Variants in CCDC191 observed in about 807,000 individuals in gnomAD.
CCDC191 encodes coiled-coil domain containing 191, also known as coiled-coil domain-containing protein 191.
Under a neutral mutation model 114.0 loss-of-function variants are expected in CCDC191, and 99 were observed. The observed-to-expected ratio is 0.87, with a 90% CI of 0.74 to 1.03. The LOEUF (loss-of-function observed/expected upper bound fraction) is 1.03. Among genes scored for constraint, CCDC191 ranks in the 50% least tolerant of loss-of-function variants. The probability of loss-of-function intolerance (pLI) is 0.00; values close to 1 mark genes in which losing one functional copy is unlikely to be tolerated. For synonymous variants in CCDC191, 351 were observed against 376.0 expected (o/e 0.93, Z 0.77); for missense variants, 973 against 1,087.0 (o/e 0.90, Z 1.47).
chr3:113,983,272 A>G (rs775409860), intron 13 of CCDC191, among the ~76,000 whole-genome samples: 1 of 152,196 alleles, frequency 6.6e-6, no homozygotes, highest in Non-Finnish European at 1.5e-5. Context: ...ATAGCTATTT[A>G]TAGTCCTTAG....
At chr3:113,969,495 A>C (rs1235172324) in intron 16 of CCDC191, among the ~76,000 whole-genome samples, 3 of 152,204 alleles carry the variant, frequency 2.0e-5, no homozygotes, top group Non-Finnish European at 4.4e-5. Context: ...TTAGATTTAA[A>C]TCTGTAACCC....
intron 1 of CCDC191, among the ~76,000 whole-genome samples, chr3:114,055,005 AAATAATAATAAT>A (rs541235858): frequency 6.6e-6 from 1 of 150,614 alleles, no homozygotes; most frequent in African/African-American, 2.4e-5. Flanking sequence ...ATACTCTTTA[AAATAATAATAAT>A]AATAATAATA....
At chr3:113,985,160 G>A (rs1175518388) in intron 13 of CCDC191, among the ~76,000 whole-genome samples, 1 of 152,154 alleles carries the variant, frequency 6.6e-6, no homozygotes, top group Non-Finnish European at 1.5e-5. Context: ...TTATAAGAAC[G>A]CTACCAGGCT....
chr3:113,998,872 G>A (rs145389964), intron 13 of CCDC191, among the ~76,000 whole-genome samples: 39 of 152,190 alleles, frequency 2.6e-4, no homozygotes, highest in East Asian at 2.5e-3. Context: ...TCCACACACC[G>A]TTGCTTCTGA....
At chr3:114,008,960 T>C (rs914768662) in intron 9 of CCDC191, among the ~76,000 whole-genome samples, 2 of 152,138 alleles carry the variant, frequency 1.3e-5, no homozygotes, top group Non-Finnish European at 2.9e-5. Context: ...CTATATGGTA[T>C]AGCCTATTGC....
chr3:113,991,245 GAAAA>G (rs1214183309), intron 13 of CCDC191, among the ~76,000 whole-genome samples: 1 of 122,894 alleles, frequency 8.1e-6, no homozygotes, highest in Admixed American at 8.3e-5. Context: ...AAAAAAAAAA[GAAAA>G]ACAAACAAAC....
intron 7 of CCDC191, among the ~76,000 whole-genome samples, chr3:114,025,033 A>G (rs1183431527): frequency 6.6e-6 from 1 of 152,156 alleles, no homozygotes; most frequent in African/African-American, 2.4e-5. Flanking sequence ...GCTCATAACT[A>G]ATAGCATTAG....
chr3:113,999,838 T>C (rs2075818761), intron 13 of CCDC191, among the ~76,000 whole-genome samples: 2 of 152,210 alleles, frequency 1.3e-5, no homozygotes, highest in South Asian at 2.1e-4. Flanking sequence ...TATTATATCA[T>C]TTATGCTATT....
rs1376726189 is a variant in CCDC191 at position 114,042,892 on chromosome 3, A to G, written c.272-46T>C. 2.6e-6 allele frequency: 4 copies of G among 1,521,916 alleles called. No homozygotes were observed. In the African/African-American group the frequency reaches 4.3e-5, roughly 16 times the overall value. The allele number at this position is 1,521,916 out of a possible 1,614,324, so 94.3% of individuals were successfully genotyped here. ...GTTAAGTATTTCAGTTACTTCAGAG[A>G]TTTTCTTTATTCACTGTTTTCATTT... On this transcript the variant is annotated intron_variant, in intron 3 of 16. Coordinates refer to ENST00000295878, the MANE Select transcript of CCDC191 (RefSeq NM_020817.2).
intron 7 of CCDC191, among the ~76,000 whole-genome samples, chr3:114,025,028 T>C (rs2076299680): frequency 6.6e-6 from 1 of 152,106 alleles, no homozygotes; most frequent in African/African-American, 2.4e-5. Context: ...TATATGCTCA[T>C]AACTAATAGC....
intron 16 of CCDC191, among the ~76,000 whole-genome samples, chr3:113,971,275 G>GT (rs1366262600): frequency 6.6e-6 from 1 of 152,126 alleles, no homozygotes; most frequent in African/African-American, 2.4e-5. Context: ...GTGTGAGATG[G>GT]TATCTCATTG....
chr3:114,010,098 T>C (rs1221227115), intron 9 of CCDC191, among the ~76,000 whole-genome samples: 1 of 152,144 alleles, frequency 6.6e-6, no homozygotes, highest in Non-Finnish European at 1.5e-5. Context: ...TCATGTTATA[T>C]TGTGAAAACG....
At chr3:113,980,913 CAG>C (rs1261659888) in intron 13 of CCDC191, 120 bp from the exon 14 acceptor site, 6 of 905,462 alleles carry the variant, frequency 6.6e-6, no homozygotes, top group Non-Finnish European at 1.0e-5. Context: ...ATCATGATAA[CAG>C]AGCTCTGGAT....
rs72956607 is a variant in CCDC191, at chr3:113,996,567, C to T, written c.2163+5028G>A. On this transcript the variant is annotated intron_variant, in intron 13 of 16. Transcript: ENST00000295878. ...TGATGCCTCCAGCTAAAGACTCATG[C>T]GCATGTATATTTATTGCAGCACTAT... Among the ~76,000 whole-genome samples, 775 of 152,086 alleles carry T rather than the reference C, an allele frequency of 5.1e-3. 5 individuals carry two copies. The highest frequency in any genetic ancestry group is 0.018 in the African/African-American group (746 of 41,476).
Position 114,048,475 on chromosome 3 carries a change from C to T in CCDC191, c.130-1743G>A, listed in dbSNP as rs190716343. Among the ~76,000 whole-genome samples the T allele has an allele frequency of 1.9e-3, 296 of 152,290 alleles. 1 individual carries two copies. Among genetic ancestry groups the T allele is most frequent in the African/African-American group, 7.0e-3 (289 of 41,568 alleles). On this transcript the variant is annotated intron_variant, in intron 2 of 16. Transcript: ENST00000295878. ...GACTCTCGCTAATCTTCCCTTTGCT[C>T]GTTCTACTTCAGCCTCACGGACCTC...
chr3:114,039,082 C>CA (rs1354708190), intron 4 of CCDC191, among the ~76,000 whole-genome samples: 3 of 150,734 alleles, frequency 2.0e-5, no homozygotes, highest in African/African-American at 7.3e-5. Context: ...GAATACTATG[C>CA]AAAAAAAAGT....
intron 1 of CCDC191, among the ~76,000 whole-genome samples, chr3:114,055,763 G>A (rs1294158117): frequency 6.6e-6 from 1 of 151,990 alleles, no homozygotes; most frequent in Non-Finnish European, 1.5e-5. Flanking sequence ...TTTAAAATGG[G>A]GTTATTATTT....
chr3:113,990,586 G>A (rs1002401500), intron 13 of CCDC191, among the ~76,000 whole-genome samples: 16 of 151,502 alleles, frequency 1.1e-4, no homozygotes, highest in African/African-American at 1.7e-4. Flanking sequence ...AATACCACCT[G>A]TTCCCCCAAA....
chr3:114,018,867 C>T lies in CCDC191; in HGVS notation c.974G>A (p.Cys325Tyr). The change falls in exon 8 of 17, where the codon TGT becomes TAT. Residue 325 changes from cysteine to tyrosine, a missense_variant and splice_region_variant. Transcript: ENST00000295878. ...CCAGGCAGCGAAATACCGTTTTTGACACTGCAGCGGAAATATTAGGAAAAT... is the reference window on the plus strand; with the variant it reads ...CCAGGCAGCGAAATACCGTTTTTGATACTGCAGCGGAAATATTAGGAAAAT... Reference protein sequence around the residue: ...LIQTFKENQQCQKRYFAAWHK... With the variant: ...LIQTFKENQQYQKRYFAAWHK... 6.2e-7 allele frequency: 1 copy of T among 1,613,270 alleles called. No homozygotes were observed. Among genetic ancestry groups the T allele is most frequent in the Non-Finnish European group, 8.5e-7 (1 of 1,179,528 alleles).
Sources: allele counts gnomAD v4.1 joint callset (sites outside exome capture counted in the v4.1 genomes callset), GRCh38; gene constraint gnomAD v4.1.1; transcripts MANE v1.5; gene names NCBI Gene and HGNC (gene_info 2026-07-23, HGNC 2026-07-21).